PTCD3: variants seen among roughly 807,000 people sequenced by gnomAD.
The protein encoded by PTCD3 is pentatricopeptide repeat domain 3, also known as small ribosomal subunit protein mS39.
PTCD3 carries 89 observed loss-of-function variants against 101.9 expected under a neutral mutation model. The ratio of observed to expected loss-of-function variants is 0.87; its 90% confidence interval spans 0.74 to 1.04. The LOEUF (loss-of-function observed/expected upper bound fraction) is 1.04, where lower values mean the gene tolerates loss of function less well. Among genes scored for constraint, PTCD3 ranks in the 50% least tolerant of loss-of-function variants. The pLI is 0.00. For missense variants in PTCD3, 870 were observed against 828.2 expected (o/e 1.05, Z -0.62); for synonymous variants, 296 against 278.5 (o/e 1.06, Z -0.63).
intron 14 of PTCD3, 63 bp from the exon 15 acceptor site, chr2:86,130,585 G>C (rs1674476865): frequency 6.4e-7 from 1 of 1,571,942 alleles, no homozygotes; most frequent in African/African-American, 1.4e-5. Flanking sequence ...TTTGTATTAG[G>C]TACAGTGAGT....
chr2:86,115,402 T>C (rs1192870601), intron 4 of PTCD3, among the ~76,000 whole-genome samples: 2 of 152,192 alleles, frequency 1.3e-5, no homozygotes, highest in East Asian at 3.8e-4. Context: ...ATCATATCAC[T>C]CTTAAGAATT....
At chr2:86,121,627 C>CT in intron 8 of PTCD3, 33 bp downstream of exon 8, 1 of 1,346,240 alleles carries the variant, frequency 7.4e-7, no homozygotes, top group Non-Finnish European at 1.0e-6. Context: ...TTTTTTTTTC[C>CT]TTAAGCTTCT....
intron 8 of PTCD3, 39 bp from the exon 9 acceptor site, chr2:86,123,662 G>C (rs536087383): frequency 6.8e-7 from 1 of 1,479,140 alleles, no homozygotes; most frequent in African/African-American, 1.4e-5. Context: ...GCATTCCATT[G>C]CCTTAACTTT....
intron 20 of PTCD3, 80 bp downstream of exon 20, chr2:86,134,457 A>G (rs906160400): frequency 5.0e-6 from 6 of 1,195,884 alleles, no homozygotes; most frequent in Non-Finnish European, 7.3e-6. Context: ...TTTATCTGCC[A>G]TTTTGGAGAG....
At chr2:86,124,928 G>A in intron 9 of PTCD3, 67 bp from the exon 10 acceptor site, 1 of 1,582,476 alleles carries the variant, frequency 6.3e-7, no homozygotes, top group Non-Finnish European at 8.6e-7. Flanking sequence ...TAAACCGTCA[G>A]TAAATGGTGG....
At chr2:86,119,908 A>G (rs1674251218) in intron 7 of PTCD3, among the ~76,000 whole-genome samples, 1 of 152,254 alleles carries the variant, frequency 6.6e-6, no homozygotes, top group Non-Finnish European at 1.5e-5. Context: ...CTGATAAGTC[A>G]ACATGAAAAT....
At chr2:86,110,490 CT>C (rs1674057524) in intron 3 of PTCD3, among the ~76,000 whole-genome samples, 1 of 152,198 alleles carries the variant, frequency 6.6e-6, no homozygotes, top group East Asian at 1.9e-4. Context: ...ATCAAATTAT[CT>C]TGTCTGTCAT....
At chr2:86,120,241 A>G (rs1323766111) in intron 7 of PTCD3, among the ~76,000 whole-genome samples, 1 of 151,948 alleles carries the variant, frequency 6.6e-6, no homozygotes, top group Non-Finnish European at 1.5e-5. Flanking sequence ...TACCCCCTTT[A>G]TTGGATAGGT....
At chr2:86,122,379 A>G (rs1558796811) in intron 8 of PTCD3, among the ~76,000 whole-genome samples, 1 of 152,192 alleles carries the variant, frequency 6.6e-6, no homozygotes, top group African/African-American at 2.4e-5. Context: ...CTTCGTTTCT[A>G]TCTTTTCTAC....
rs1412271653 is a variant in PTCD3 at position 86,136,560 on chromosome 2, T to C, written c.1818T>C (p.Pro606=). The part of the protein sequence containing the change: ...LGLFRKHNKI[P]RSELLNELMD... The stretch of plus-strand genomic sequence containing the variant: ...TTTTCAGGAAGCATAATAAGATTCC[T>C]AGGTAAGTTGAAATCAGCCAGCTCT... The change falls in exon 22 of 24, where the codon CCT becomes CCC. Residue 606 remains proline, a splice_region_variant and synonymous_variant. Transcript: ENST00000254630. 6.2e-7 allele frequency: 1 copy of C among 1,612,328 alleles called. No individual in the cohort carries two copies. Among genetic ancestry groups the C allele is most frequent in the South Asian group, 1.1e-5 (1 of 91,046 alleles).
chr2:86,123,830 C>T (rs773260781), intron 9 of PTCD3, 68 bp downstream of exon 9: 27 of 1,023,062 alleles, frequency 2.6e-5, no homozygotes, highest in Non-Finnish European at 3.6e-5. Flanking sequence ...CCCCATCACC[C>T]TGTGAAGATG....
chr2:86,109,171 C>T (rs532587059), intron 3 of PTCD3, among the ~76,000 whole-genome samples: 10 of 152,188 alleles, frequency 6.6e-5, no homozygotes, highest in African/African-American at 2.2e-4. Flanking sequence ...TTTGGGAGGC[C>T]GAGGCGGGCG....
rs756946917 is a variant in PTCD3 at position 86,108,548 on chromosome 2, A to G, written c.194+12A>G. The G allele has an allele frequency of 6.3e-6, 10 of 1,589,278 alleles. No homozygotes were observed. Among genetic ancestry groups the G allele is most frequent in the Admixed American group, 3.6e-5 (2 of 55,000 alleles). ...AAAAAGAAAACTTGGTAAGTATTCTATCAGTGTTCATTCAGCAAATGGTTG... is the reference window on the plus strand; with the variant it reads ...AAAAAGAAAACTTGGTAAGTATTCTGTCAGTGTTCATTCAGCAAATGGTTG... On this transcript the variant is annotated intron_variant, in intron 3 of 23. Coordinates refer to ENST00000254630, the MANE Select transcript of PTCD3 (RefSeq NM_017952.6).
At chr2:86,108,425 T>A in intron 2 of PTCD3, 23 bp downstream of exon 2, 1 of 1,596,792 alleles carries the variant, frequency 6.3e-7, no homozygotes, top group Middle Eastern at 1.8e-4. Flanking sequence ...ATATATTGAA[T>A]TCTATTTTTA....
chr2:86,131,332 CA>C (rs1271347505), intron 16 of PTCD3, among the ~76,000 whole-genome samples: 1 of 152,064 alleles, frequency 6.6e-6, no homozygotes, highest in African/African-American at 2.4e-5. Context: ...CTCCTGGGTT[CA>C]AGCGATTCTC....
chr2:86,131,253 T>C, intron 16 of PTCD3, 147 bp downstream of exon 16: 1 of 678,590 alleles, frequency 1.5e-6, no homozygotes, highest in South Asian at 2.4e-5. Flanking sequence ...CTATAATTTT[T>C]TTTTTCTTTG....
intron 15 of PTCD3, 106 bp from the exon 16 acceptor site, chr2:86,130,972 A>T: frequency 1.4e-6 from 2 of 1,403,384 alleles, no homozygotes; most frequent in South Asian, 2.6e-5. Context: ...TCTTAGCTTT[A>T]TCTTGCATGT....
chr2:86,121,489 G>A lies in PTCD3; in HGVS notation c.549G>A (p.Val183=). 1 of 1,599,756 alleles carries A rather than the reference G, an allele frequency of 6.3e-7. No homozygotes were observed. The highest frequency in any genetic ancestry group is 8.5e-7 in the Non-Finnish European group (1 of 1,173,540). ...FDQLLQAGTT[V]SLETTNSLLD... is the part of the protein sequence containing the mutation. ...GTCTCTTACCCACAGGAACCACTGT[G>A]TCTCTTGAAACAACAAATAGTCTCT... Residue 183 remains valine (V), a synonymous_variant, in exon 8 of 24, where the codon GTG becomes GTA. Coordinates refer to ENST00000254630, the MANE Select transcript of PTCD3 (RefSeq NM_017952.6).
Position 86,130,748 on chromosome 2 carries a change from A to C in PTCD3, c.1237+11A>C. The C allele has an allele frequency of 1.2e-6, 2 of 1,612,732 alleles. No homozygotes were observed. The highest frequency in any genetic ancestry group is 8.5e-7 in the Non-Finnish European group (1 of 1,179,372). On this transcript the variant is annotated intron_variant, in intron 15 of 23. Transcript: ENST00000254630. ...AGGACCCGGATGATGGCATGTATAG[A>C]AATCACTTGTGTTTTCCTCCTCTAA... is the stretch of plus-strand genomic sequence containing the variant.
Sources: allele counts gnomAD v4.1 joint callset (sites outside exome capture counted in the v4.1 genomes callset), GRCh38; gene constraint gnomAD v4.1.1; transcripts MANE v1.5; gene names NCBI Gene and HGNC (gene_info 2026-07-23, HGNC 2026-07-21).